The following BTBD9 variants were observed in gnomAD, a reference collection of about 807,000 sequenced individuals.
BTBD9 encodes BTB/POZ domain-containing protein 9.
A neutral mutation model predicts 64.3 loss-of-function variants in BTBD9; 49 were observed. The observed-to-expected ratio is 0.76, with a 90% confidence interval of 0.61 to 0.97. The LOEUF is 0.97. Among genes scored for constraint, BTBD9 ranks in the 50% least tolerant of loss-of-function variants. The probability of loss-of-function intolerance (pLI) is 0.00; values close to 1 mark genes in which losing one functional copy is unlikely to be tolerated. For missense variants in BTBD9, 598 were observed against 762.1 expected, an observed-to-expected ratio of 0.78 and a Z score of 2.53; for synonymous variants, 260 against 274.7, an observed-to-expected ratio of 0.95 and a Z score of 0.53.
At chr6:38,251,952 A>AT (rs1289650168) in intron 9 of BTBD9, among the ~76,000 whole-genome samples, 1 of 152,092 alleles carries the variant, frequency 6.6e-6, no homozygotes, top group Non-Finnish European at 1.5e-5. Flanking sequence ...AGGGTACAGG[A>AT]TTACACTGTA....
chr6:38,411,366 A>T (rs1271366265), intron 6 of BTBD9, among the ~76,000 whole-genome samples: 3 of 152,202 alleles, frequency 2.0e-5, no homozygotes, highest in Non-Finnish European at 2.9e-5. Context: ...AGTGGTGTGG[A>T]GTAGAAAACC....
intron 9 of BTBD9, among the ~76,000 whole-genome samples, chr6:38,240,223 ATCCCTAC>A: frequency 6.6e-6 from 1 of 152,210 alleles, no homozygotes; most frequent in Non-Finnish European, 1.5e-5. Flanking sequence ...CATAAATGTT[ATCCCTAC>A]TGAGTCACTC....
intron 6 of BTBD9, among the ~76,000 whole-genome samples, chr6:38,477,615 G>T (rs78380782): frequency 6.6e-6 from 1 of 152,162 alleles, no homozygotes; most frequent in East Asian, 1.9e-4. Flanking sequence ...CTGAGCTAAC[G>T]AGCAGTATCT....
chr6:38,461,650 T>C (rs1770092130), intron 6 of BTBD9, among the ~76,000 whole-genome samples: 1 of 152,252 alleles, frequency 6.6e-6, no homozygotes, highest in African/African-American at 2.4e-5. Context: ...TGTATGGGTA[T>C]ATGCTTTCTT....
intron 6 of BTBD9, among the ~76,000 whole-genome samples, chr6:38,395,422 G>T (rs554289408): frequency 1.3e-5 from 2 of 152,202 alleles, no homozygotes; most frequent in African/African-American, 4.8e-5. Flanking sequence ...AAGAAAAAAA[G>T]GCCAGAGAAA....
In BTBD9 at chr6:38,172,509, G is replaced by A. The variant is rs1425256336; in HGVS notation, c.*2476C>T. ...TGCCCCAGTCAGAAGGCCCCTCAGG[G>A]AAGGGCAGTACCCCTCCAGCCTGGG... is the stretch of plus-strand genomic sequence containing the variant. On this transcript the variant is annotated 3_prime_UTR_variant, in exon 11 of 11. Transcript: ENST00000481247. The A allele has an allele frequency of 2.0e-5, 3 of 152,324 alleles. No homozygotes were observed. The highest frequency in any genetic ancestry group is 1.9e-4 in the East Asian group (1 of 5,188). The allele number at this position is 152,324 out of a possible 1,614,324, so 9.4% of individuals were successfully genotyped here.
Position 38,520,714 on chromosome 6 carries a change from CT to C in BTBD9, c.1154+56885del, listed in dbSNP as rs573737567. ...TTGTAAGGCTGAGGTGGGAGGAGCG[CT>C]TTAGCTCAAGAGTTCGAGACCAGCC... On this transcript the variant is annotated intron_variant, in intron 6 of 10. Transcript: ENST00000481247. Among the ~76,000 whole-genome samples, 10 of 152,182 alleles carry C rather than the reference CT, an allele frequency of 6.6e-5. No homozygotes were observed. In the East Asian group the frequency reaches 1.7e-3, roughly 26 times the overall value.
rs147261171 is a variant in BTBD9 at position 38,457,253 on chromosome 6, G to A, written c.1155-112160C>T. ...ACCAATGAAGAGTTTTATGCAGAGA[G>A]TAATTTGACCCTGCTTAACTTTAAG... On this transcript the variant is annotated intron_variant, in intron 6 of 10. Coordinates refer to ENST00000481247, the MANE Select transcript of BTBD9 (RefSeq NM_001099272.2). 6.1e-3 allele frequency among the ~76,000 whole-genome samples: 927 copies of A among 152,250 alleles called. 3 individuals carry two copies. The highest frequency in any genetic ancestry group is 0.01 in the Non-Finnish European group (706 of 68,016).
At chr6:38,562,631 T>C (rs1469240054) in intron 6 of BTBD9, among the ~76,000 whole-genome samples, 1 of 152,200 alleles carries the variant, frequency 6.6e-6, no homozygotes, top group Non-Finnish European at 1.5e-5. Context: ...ATACGTAAGG[T>C]TGTTTATTGA....
intron 6 of BTBD9, among the ~76,000 whole-genome samples, chr6:38,572,417 C>T (rs747443696): frequency 4.6e-5 from 7 of 152,066 alleles, no homozygotes; most frequent in African/African-American, 9.7e-5. Flanking sequence ...TCATCACTTA[C>T]GGCCTCTAAT....
intron 6 of BTBD9, among the ~76,000 whole-genome samples, chr6:38,385,415 T>G (rs1766111015): frequency 6.6e-6 from 1 of 151,826 alleles, no homozygotes; most frequent in South Asian, 2.1e-4. Context: ...GTCTCGAACT[T>G]CTGACCTCAT....
At chr6:38,195,696 C>A (rs961385999) in intron 9 of BTBD9, among the ~76,000 whole-genome samples, 3 of 152,060 alleles carry the variant, frequency 2.0e-5, no homozygotes, top group Non-Finnish European at 4.4e-5. Context: ...TGTATCTATA[C>A]ACATACGTAT....
At chr6:38,237,822 A>G (rs1763830797) in intron 9 of BTBD9, among the ~76,000 whole-genome samples, 1 of 141,400 alleles carries the variant, frequency 7.1e-6, no homozygotes, top group South Asian at 2.4e-4. Flanking sequence ...TTCCTTTTCA[A>G]TGGTATTTTC....
chr6:38,240,177 A>G (rs1467852316), intron 9 of BTBD9, among the ~76,000 whole-genome samples: 1 of 152,220 alleles, frequency 6.6e-6, no homozygotes, highest in African/African-American at 2.4e-5. Flanking sequence ...CCATCTAGGT[A>G]GTAAGTACTT....
At chr6:38,327,976 GA>G (rs1464870284) in intron 7 of BTBD9, among the ~76,000 whole-genome samples, 2 of 152,226 alleles carry the variant, frequency 1.3e-5, no homozygotes, top group Admixed American at 1.3e-4. Flanking sequence ...AGGCGCACCA[GA>G]AGGCACTGCT....
At chr6:38,470,438 G>A (rs1489736976) in intron 6 of BTBD9, among the ~76,000 whole-genome samples, 1 of 152,106 alleles carries the variant, frequency 6.6e-6, no homozygotes, top group African/African-American at 2.4e-5. Context: ...GGTTGAAGAC[G>A]GACTGGATTA....
chr6:38,490,593 T>C (rs1435972115), intron 6 of BTBD9, among the ~76,000 whole-genome samples: 1 of 152,162 alleles, frequency 6.6e-6, no homozygotes, highest in Non-Finnish European at 1.5e-5. Flanking sequence ...GTGCTGGGAT[T>C]ACAGGTGTGA....
intron 8 of BTBD9, among the ~76,000 whole-genome samples, chr6:38,268,210 ACTG>A (rs1204553112): frequency 6.6e-6 from 1 of 152,180 alleles, no homozygotes; most frequent in Non-Finnish European, 1.5e-5. Flanking sequence ...ATCCATTCTG[ACTG>A]CTATTTCATC....
intron 6 of BTBD9, among the ~76,000 whole-genome samples, chr6:38,426,430 G>A (rs1468956028): frequency 6.6e-6 from 1 of 151,978 alleles, no homozygotes; most frequent in Non-Finnish European, 1.5e-5. Flanking sequence ...TTGAATGGGA[G>A]CTCTGTTTTC....
Sources: gnomAD v4.1 joint callset for allele counts (sites outside exome capture counted in the v4.1 genomes callset) on GRCh38, gnomAD v4.1.1 for gene constraint, MANE v1.5 for transcripts, NCBI Gene and HGNC (gene_info 2026-07-23, HGNC 2026-07-21) for gene names.